The following ENOX1 variants were observed in gnomAD, a reference collection of about 807,000 sequenced individuals.
The protein encoded by ENOX1 is candidate growth-related and time keeping constitutive hydroquinone (NADH) oxidase.
Under a neutral mutation model 82.5 loss-of-function variants are expected in ENOX1, and 42 were observed. The ratio of observed to expected loss-of-function variants is 0.51; its 90% CI spans 0.40 to 0.66. The LOEUF (loss-of-function observed/expected upper bound fraction) is 0.66, where lower values mean the gene tolerates loss of function less well. Ranked by LOEUF, ENOX1 falls within the 30% of genes least tolerant of loss-of-function variation. The pLI is 0.00. For synonymous variants in ENOX1, 271 were observed against 282.2 expected, an observed-to-expected ratio of 0.96 and a Z score of 0.40; for missense variants, 608 against 811.6, an observed-to-expected ratio of 0.75 and a Z score of 3.05.
intron 14 of ENOX1, among the ~76,000 whole-genome samples, chr13:43,261,642 T>C (rs1286534615): frequency 6.6e-6 from 1 of 151,366 alleles, no homozygotes; most frequent in African/African-American, 2.4e-5. Context: ...ATATACACCA[T>C]GGAATACTAT....
intron 1 of ENOX1, among the ~76,000 whole-genome samples, chr13:43,775,738 G>C (rs1311027715): frequency 6.6e-6 from 1 of 152,030 alleles, no homozygotes; most frequent in Non-Finnish European, 1.5e-5. Context: ...GAAGCTGCTA[G>C]GGGGGCCTAC....
At chr13:43,780,247 A>T (rs1286957294) in intron 1 of ENOX1, among the ~76,000 whole-genome samples, 1 of 152,042 alleles carries the variant, frequency 6.6e-6, no homozygotes. Flanking sequence ...ACAAATGTTT[A>T]TTAAAGAAAT....
At position 43,338,375 on chromosome 13, in the gene ENOX1, G is replaced by A. The variant is rs972523416; in HGVS notation, c.1036+6163C>T. ...ACGTCTCCGAGTTGGAAAACCTGGGGAAGTTTCTGGCAAATGGACGGGTTA... is the reference window on the plus strand; with the variant it reads ...ACGTCTCCGAGTTGGAAAACCTGGGAAAGTTTCTGGCAAATGGACGGGTTA... On this transcript the variant is annotated intron_variant, in intron 9 of 16. Transcript: ENST00000690772. Among the ~76,000 whole-genome samples, 4 of 152,130 alleles carry A rather than the reference G, an allele frequency of 2.6e-5. No homozygotes were observed. In the South Asian group the frequency reaches 6.2e-4, roughly 24 times the overall value.
intron 2 of ENOX1, among the ~76,000 whole-genome samples, chr13:43,532,516 G>T (rs1402610541): frequency 6.6e-6 from 1 of 152,044 alleles, no homozygotes; most frequent in African/African-American, 2.4e-5. Flanking sequence ...AGCAATGGTT[G>T]GTAAAACTGC....
chr13:43,598,909 G>A (rs566768382), intron 2 of ENOX1, among the ~76,000 whole-genome samples: 94 of 152,242 alleles, frequency 6.2e-4, no homozygotes, highest in South Asian at 1.4e-3. Context: ...ATACATGGAG[G>A]ATAACTCTTT....
rs1594284436 is a variant in ENOX1 at position 43,656,010 on chromosome 13, C to T, written c.-219+11469G>A. On this transcript the variant is annotated intron_variant, in intron 2 of 16. Transcript: ENST00000690772. The stretch of plus-strand genomic sequence containing the variant: ...TGTCTTGACCTCATCCAAAAGACCC[C>T]TATTTTTGCCTTTTCTCATAATGAT... Among the ~76,000 whole-genome samples the T allele has an allele frequency of 2.0e-5, 3 of 152,278 alleles. No individual in the cohort carries two copies. The Middle Eastern group carries it at 0.01, about 518-fold the overall frequency.
At chr13:43,508,519 A>G (rs1234690779) in intron 2 of ENOX1, among the ~76,000 whole-genome samples, 4 of 151,950 alleles carry the variant, frequency 2.6e-5, no homozygotes, top group Non-Finnish European at 5.9e-5. Context: ...TTGGTACTGT[A>G]TATGATTGAG....
intron 1 of ENOX1, among the ~76,000 whole-genome samples, chr13:43,782,791 T>C: frequency 6.6e-6 from 1 of 152,216 alleles, no homozygotes; most frequent in South Asian, 2.1e-4. Flanking sequence ...ATAATGCATA[T>C]ATGATCCAAG....
Position 43,380,047 on chromosome 13 carries a change from A to C in ENOX1, c.209-18595T>G, listed in dbSNP as rs998797717. ...AAATTAAAAAAAAATCTTTTCTTTA[A>C]CTTTTTCTTTACCCAGTAAAAATAC... is the stretch of plus-strand genomic sequence containing the variant. On this transcript the variant is annotated intron_variant, in intron 5 of 16. Coordinates refer to ENST00000690772, the MANE Select transcript of ENOX1 (RefSeq NM_001347969.2). Among the ~76,000 whole-genome samples the C allele has an allele frequency of 3.3e-5, 5 of 152,024 alleles. No individual in the cohort carries two copies. The South Asian group carries it at 1.0e-3, about 32-fold the overall frequency.
rs118190294 is a variant in ENOX1, at chr13:43,248,393, G to A, written c.1612-11655C>T. ...GGATAGTGAAAAAAACTATGCAATC[G>A]CTTTGGACATTTTACAGCCTTTTGG... On this transcript the variant is annotated intron_variant, in intron 14 of 16. Transcript: ENST00000690772. Among the ~76,000 whole-genome samples the A allele has an allele frequency of 4.2e-3, 641 of 151,776 alleles. 13 individuals are homozygous for A. The East Asian group carries it at 0.054, about 13-fold the overall frequency.
At chr13:43,646,287 G>C (rs139661605) in intron 2 of ENOX1, among the ~76,000 whole-genome samples, 1 of 152,284 alleles carries the variant, frequency 6.6e-6, no homozygotes, top group Non-Finnish European at 1.5e-5. Context: ...TACTTCACAG[G>C]CAGGTTAAAA....
chr13:43,622,949 TG>T (rs1422942138), intron 2 of ENOX1, among the ~76,000 whole-genome samples: 2 of 152,158 alleles, frequency 1.3e-5, no homozygotes, highest in East Asian at 3.9e-4. Flanking sequence ...CTTTCAGGGA[TG>T]GGGGTGAGAC....
At chr13:43,426,758 A>T (rs2055330892) in intron 3 of ENOX1, among the ~76,000 whole-genome samples, 1 of 152,316 alleles carries the variant, frequency 6.6e-6, no homozygotes, top group South Asian at 2.1e-4. Flanking sequence ...TTACTTGCAC[A>T]CTGAAGTAGA....
intron 2 of ENOX1, among the ~76,000 whole-genome samples, chr13:43,651,983 A>C (rs1381192708): frequency 1.3e-5 from 2 of 151,772 alleles, no homozygotes; most frequent in African/African-American, 2.4e-5. Flanking sequence ...AAAAAAAAAA[A>C]AAAAAAAAAA....
intron 1 of ENOX1, among the ~76,000 whole-genome samples, chr13:43,771,166 A>T (rs923164886): frequency 6.6e-6 from 1 of 152,196 alleles, no homozygotes; most frequent in Non-Finnish European, 1.5e-5. Flanking sequence ...TTCTTATCCC[A>T]AAAAGAGAGA....
chr13:43,222,251 G>A (rs780997604), intron 16 of ENOX1, among the ~76,000 whole-genome samples: 8 of 152,026 alleles, frequency 5.3e-5, no homozygotes, highest in South Asian at 2.1e-4. Flanking sequence ...GTAAGGGAAC[G>A]TCACAAATCT....
chr13:43,705,323 T>TCC (rs2087191325), intron 1 of ENOX1, among the ~76,000 whole-genome samples: 5 of 25,976 alleles, frequency 1.9e-4, no homozygotes, highest in Non-Finnish European at 3.1e-4. Context: ...TCTCTCTCTC[T>TCC]CTCTCTCTAT....
intron 1 of ENOX1, among the ~76,000 whole-genome samples, chr13:43,729,822 G>A (rs1427302372): frequency 6.6e-6 from 1 of 152,198 alleles, no homozygotes; most frequent in East Asian, 1.9e-4. Flanking sequence ...GCTAAAGCTG[G>A]GTGTGTAAAC....
chr13:43,312,590 A>G (rs556611620), intron 11 of ENOX1, among the ~76,000 whole-genome samples: 2 of 152,292 alleles, frequency 1.3e-5, no homozygotes, highest in East Asian at 3.8e-4. Flanking sequence ...GACAGTGTGT[A>G]TGGTTACCAA....
Sources: gnomAD v4.1 joint callset for allele counts (sites outside exome capture counted in the v4.1 genomes callset) on GRCh38, gnomAD v4.1.1 for gene constraint, MANE v1.5 for transcripts, NCBI Gene and HGNC (gene_info 2026-07-23, HGNC 2026-07-21) for gene names.